Variants in SLC38A11 observed in about 807,000 individuals in gnomAD.
SLC38A11 encodes the protein putative sodium-coupled neutral amino acid transporter 11.
Under a neutral mutation model 49.4 loss-of-function variants are expected in SLC38A11, and 51 were observed. That is an observed-to-expected ratio of 1.03 (90% CI 0.83 to 1.30). The LOEUF (loss-of-function observed/expected upper bound fraction) is 1.30, where lower values mean the gene tolerates loss of function less well. Ranked by LOEUF, SLC38A11 falls within the 50% of genes most tolerant of loss-of-function variation. The probability of loss-of-function intolerance (pLI) is 0.00; values close to 1 mark genes in which losing one functional copy is unlikely to be tolerated. For synonymous variants in SLC38A11, 203 were observed against 192.9 expected, an observed-to-expected ratio of 1.05 and a Z score of -0.43; for missense variants, 574 against 556.2, an observed-to-expected ratio of 1.03 and a Z score of -0.32.
intron 9 of SLC38A11, among the ~76,000 whole-genome samples, chr2:164,913,313 T>C (rs1338886080): frequency 6.6e-6 from 1 of 151,962 alleles, no homozygotes. Context: ...AGGACTGAAG[T>C]TCCCCGTTCA....
intron 3 of SLC38A11, among the ~76,000 whole-genome samples, chr2:164,948,295 GATA>G (rs1688277871): frequency 1.3e-5 from 2 of 152,184 alleles, no homozygotes; most frequent in Admixed American, 6.5e-5. Flanking sequence ...TTTGGAGTCA[GATA>G]ATAATGATAA....
intron 7 of SLC38A11, among the ~76,000 whole-genome samples, chr2:164,933,149 T>A (rs1470261516): frequency 6.6e-6 from 1 of 152,072 alleles, no homozygotes; most frequent in South Asian, 2.1e-4. Context: ...AAGAAAGATG[T>A]CATATGAGGG....
At chr2:164,915,369 T>A in intron 8 of SLC38A11, 96 bp from the exon 9 acceptor site, 1 of 1,062,976 alleles carries the variant, frequency 9.4e-7, no homozygotes, top group Non-Finnish European at 1.3e-6. Flanking sequence ...TAGATGCCAA[T>A]GAACTGAAGT....
intron 7 of SLC38A11, among the ~76,000 whole-genome samples, chr2:164,932,356 T>A (rs928685228): frequency 5.9e-5 from 9 of 152,116 alleles, no homozygotes; most frequent in African/African-American, 1.9e-4. Context: ...GTGTGGTGAT[T>A]CCTCAAAGAT....
At chr2:164,932,209 A>G (rs1687055286) in intron 7 of SLC38A11, among the ~76,000 whole-genome samples, 1 of 152,200 alleles carries the variant, frequency 6.6e-6, no homozygotes, top group Non-Finnish European at 1.5e-5. Context: ...CCACAATGAC[A>G]TATCATCTCA....
At chr2:164,953,821 A>G (rs1014283222) in intron 2 of SLC38A11, among the ~76,000 whole-genome samples, 3 of 152,166 alleles carry the variant, frequency 2.0e-5, no homozygotes, top group Non-Finnish European at 4.4e-5. Context: ...CTCAAAAAGT[A>G]TTGCATTTTG....
intron 7 of SLC38A11, among the ~76,000 whole-genome samples, chr2:164,918,114 G>A (rs549891549): frequency 4.0e-5 from 6 of 151,370 alleles, no homozygotes; most frequent in Non-Finnish European, 8.8e-5. Flanking sequence ...GAAAGTTCTC[G>A]GGTATATTTT....
At chr2:164,917,704 G>A (rs1290256531) in intron 7 of SLC38A11, among the ~76,000 whole-genome samples, 2 of 152,010 alleles carry the variant, frequency 1.3e-5, no homozygotes, top group Non-Finnish European at 2.9e-5. Flanking sequence ...TTTTGCACTT[G>A]GAAAATATTC....
intron 11 of SLC38A11, among the ~76,000 whole-genome samples, chr2:164,901,152 G>A (rs572350492): frequency 7.4e-4 from 112 of 151,892 alleles, no homozygotes; most frequent in African/African-American, 2.3e-3. Flanking sequence ...ATGTTCCATC[G>A]GTCTATATTT....
At chr2:164,943,849 T>C (rs1379752601) in intron 5 of SLC38A11, among the ~76,000 whole-genome samples, 1 of 151,998 alleles carries the variant, frequency 6.6e-6, no homozygotes, top group Non-Finnish European at 1.5e-5. Context: ...TCACAGAATA[T>C]AGTTTCTTGG....
At chr2:164,954,131 T>TA (rs1255740979) in intron 2 of SLC38A11, among the ~76,000 whole-genome samples, 1 of 152,144 alleles carries the variant, frequency 6.6e-6, no homozygotes, top group Non-Finnish European at 1.5e-5. Context: ...ACTTTAAAAT[T>TA]TAACACTGTA....
intron 5 of SLC38A11, among the ~76,000 whole-genome samples, chr2:164,943,057 T>C (rs1346956452): frequency 6.6e-6 from 1 of 152,232 alleles, no homozygotes; most frequent in East Asian, 1.9e-4. Context: ...TTGTTTTGTA[T>C]GTCTCTAGAA....
chr2:164,896,696 C>T lies in SLC38A11; in HGVS notation c.*1741G>A, dbSNP rs1161704762. On this transcript the variant is annotated 3_prime_UTR_variant, in exon 12 of 12. Transcript: ENST00000685975. ...AGTTAAATACAGAAAAGTTACCCAA[C>T]AGAATTTAAATTAATTTAATGGTAA... 6.6e-6 allele frequency: 1 copy of T among 152,006 alleles called. No homozygotes were observed. Among genetic ancestry groups the T allele is most frequent in the Non-Finnish European group, 1.5e-5 (1 of 68,004 alleles). The allele number at this position is 152,006 out of a possible 1,614,324, so 9.4% of individuals were successfully genotyped here.
chr2:164,942,395 T>G (rs1461476848), intron 5 of SLC38A11, among the ~76,000 whole-genome samples: 1 of 139,066 alleles, frequency 7.2e-6, no homozygotes, highest in Non-Finnish European at 1.5e-5. Flanking sequence ...ATTATGCCAC[T>G]GCACTCTAGC....
chr2:164,898,764 A>C, intron 11 of SLC38A11, 34 bp from the exon 12 acceptor site: 2 of 1,574,936 alleles, frequency 1.3e-6, no homozygotes, highest in Non-Finnish European at 1.7e-6. Context: ...AGATAATGTC[A>C]CTAGATGGAA....
chr2:164,955,132 A>T, intron 1 of SLC38A11, 77 bp downstream of exon 1: 1 of 1,355,826 alleles, frequency 7.4e-7, no homozygotes, highest in Non-Finnish European at 1.0e-6. Context: ...AGGTGAAGGT[A>T]GGTGACCTGA....
At chr2:164,906,732 G>A (rs115725452) in intron 11 of SLC38A11, among the ~76,000 whole-genome samples, 115 of 152,240 alleles carry the variant, frequency 7.6e-4, no homozygotes, top group African/African-American at 2.4e-3. Flanking sequence ...ACTTTCCTAT[G>A]AGCTTTCCTT....
chr2:164,944,595 C>T lies in SLC38A11; in HGVS notation c.404G>A (p.Ser135Asn). ...TCCTGGGATTCTTTGAAAAACTTTGCTCAAAGTATCTCCAGCTATTATATT... is the reference window on the plus strand; with the variant it reads ...TCCTGGGATTCTTTGAAAAACTTTGTTCAAAGTATCTCCAGCTATTATATT... Reference protein sequence around the residue: ...SYNIIAGDTLSKVFQRIPGVD... With the variant: ...SYNIIAGDTLNKVFQRIPGVD... The change falls in exon 5 of 12, where the codon AGC becomes AAC. Residue 135 changes from serine to asparagine, a missense_variant. Transcript: ENST00000685975. 2 of 1,342,732 alleles carry T rather than the reference C, an allele frequency of 1.5e-6. No individual in the cohort carries two copies. The highest frequency in any genetic ancestry group is 1.9e-6 in the Non-Finnish European group (2 of 1,035,532). 83.2% of individuals were successfully genotyped at this position (1,342,732 alleles called of 1,614,324 possible).
In SLC38A11 at chr2:164,939,514, C is replaced by A. The variant is rs990170437; in HGVS notation, c.473G>T (p.Gly158Val). The change falls in exon 6 of 12, where the codon GGA (glycine) becomes GTA (valine). Residue 158 changes from glycine to valine, a missense_variant. Transcript: ENST00000685975. ...NVFIGRHFII[G>V]LSTVTFTLPL... The stretch of plus-strand genomic sequence containing the variant: ...CAGAGTAAAGGTAACTGTGGAAAGT[C>A]CAATAATGAAGTGGCGACCAATAAA... 1 of 1,610,492 alleles carries A rather than the reference C, an allele frequency of 6.2e-7. No homozygotes were observed. The highest frequency in any genetic ancestry group is 8.5e-7 in the Non-Finnish European group (1 of 1,177,862).
Sources: allele counts gnomAD v4.1 joint callset (sites outside exome capture counted in the v4.1 genomes callset), GRCh38; gene constraint gnomAD v4.1.1; transcripts MANE v1.5; gene names NCBI Gene and HGNC (gene_info 2026-07-23, HGNC 2026-07-21).